MAP3K10: variants seen among roughly 807,000 people sequenced by gnomAD.
MAP3K10 encodes MKN28 derived nonreceptor_type serine/threonine kinase.
In MAP3K10, 22 loss-of-function variants were observed where a neutral mutation model predicts 75.0. That is an observed-to-expected ratio of 0.29 (90% CI 0.21 to 0.42). The LOEUF is 0.42. Among genes scored for constraint, MAP3K10 ranks in the 10% least tolerant of loss-of-function variants. MAP3K10 has a pLI of 1.00. For synonymous variants in MAP3K10, 599 were observed against 612.9 expected, an observed-to-expected ratio of 0.98 and a Z score of 0.34; for missense variants, 1,165 against 1,379.8, an observed-to-expected ratio of 0.84 and a Z score of 2.47.
intron 2 of MAP3K10, among the ~76,000 whole-genome samples, chr19:40,201,794 C>CTTTTTTTT (rs757199734): frequency 1.6e-5 from 2 of 123,410 alleles, no homozygotes; most frequent in African/African-American, 3.1e-5. Context: ...CACACGCCAG[C>CTTTTTTTT]TTTTTTTTTT....
intron 2 of MAP3K10, among the ~76,000 whole-genome samples, chr19:40,199,435 C>G (rs904295937): frequency 3.9e-5 from 6 of 152,278 alleles, no homozygotes; most frequent in Admixed American, 6.5e-5. Flanking sequence ...GAACGCTTCT[C>G]TGAGCAATCT....
chr19:40,205,219 G>C lies in MAP3K10; in HGVS notation c.1111G>C (p.Glu371Gln). The stretch of plus-strand genomic sequence containing the variant: ...GTCAGCCCTGTTCCAGATGCCACTG[G>C]AGTCCTTCCACTCGCTGCAGGAAGA... ...EQSALFQMPLESFHSLQEDWK... is the reference protein window; with the variant it reads ...EQSALFQMPLQSFHSLQEDWK... The change falls in exon 4 of 10, where the codon GAG becomes CAG. Residue 371 changes from glutamate to glutamine, a missense_variant. Transcript: ENST00000253055. The surrounding 1 kb of genome is among the most constrained non-coding windows in gnomAD (Gnocchi z 4.3). 6.2e-7 allele frequency: 1 copy of C among 1,614,140 alleles called. No individual in the cohort carries two copies. The highest frequency in any genetic ancestry group is 1.1e-5 in the South Asian group (1 of 91,078).
chr19:40,214,010 A>ACCCCCCCCCCCCCCCCCCC lies in MAP3K10; in HGVS notation c.2334_2335insCCCCCCCCCCCCCCCCCCC (p.Ser779ProfsTer79). The ACCCCCCCCCCCCCCCCCCC allele has an allele frequency of 1.1e-5, 8 of 726,364 alleles. No homozygotes were observed. The highest frequency in any genetic ancestry group is 5.4e-5 in the East Asian group (1 of 18,436). The allele number at this position is 726,364 out of a possible 1,614,324, so 45.0% of individuals were successfully genotyped here. ...CCGCACCGGCCGCGCCCTCCCCACC[A>ACCCCCCCCCCCCCCCCCCC]CCCTCCCCGCCCGCGCCCACACCCA... is the stretch of plus-strand genomic sequence containing the variant. On this transcript the variant is annotated frameshift_variant, in exon 9 of 10. Transcript: ENST00000253055. LOFTEE classifies it high-confidence loss of function.
In MAP3K10 at chr19:40,191,501, G is replaced by C. The variant is rs1385538719; in HGVS notation, c.-531G>C. On this transcript the variant is annotated 5_prime_UTR_variant, in exon 1 of 10. Transcript: ENST00000253055. The stretch of plus-strand genomic sequence containing the variant: ...GGGGCTGGGGCCGACCGGGAGGCCG[G>C]TGCCAAGGATGGGGGCCGCCCGGCT... Among the ~76,000 whole-genome samples, 1 of 150,674 alleles carries C rather than the reference G, an allele frequency of 6.6e-6. No homozygotes were observed. The highest frequency in any genetic ancestry group is 1.5e-5 in the Non-Finnish European group (1 of 67,536).
Position 40,213,998 on chromosome 19 carries a change from G to GCCCACCCCCCCCCCCCCCCCCCC in MAP3K10, c.2322_2323insACCCCCCCCCCCCCCCCCCCCCC (p.Ser775ThrfsTer55). 2 of 1,521,834 alleles carry GCCCACCCCCCCCCCCCCCCCCCC rather than the reference G, an allele frequency of 1.3e-6. No individual in the cohort carries two copies. The highest frequency in any genetic ancestry group is 1.4e-5 in the African/African-American group (1 of 71,078). 94.3% of individuals were successfully genotyped at this position (1,521,834 alleles called of 1,614,324 possible). A position where few individuals can be genotyped will look rare whatever the true frequency, so the allele number is the denominator to read the frequency against. On this transcript the variant is annotated frameshift_variant, in exon 9 of 10. Coordinates refer to ENST00000253055, the MANE Select transcript of MAP3K10 (RefSeq NM_002446.4). LOFTEE classifies it high-confidence loss of function. This position sits in a 1 kb window ranked among gnomAD's most constrained non-coding sequence, Gnocchi z 5.7. ...ACAGTGACGAGGCCGCACCGGCCGC[G>GCCCACCCCCCCCCCCCCCCCCCC]CCCTCCCCACCACCCTCCCCGCCCG...
intron 5 of MAP3K10, among the ~76,000 whole-genome samples, chr19:40,206,863 G>T (rs1277592693): frequency 6.6e-6 from 1 of 152,174 alleles, no homozygotes. Context: ...GGAGGCCAAA[G>T]TGCGTAGATC....
chr19:40,197,170 G>A (rs888715387), intron 1 of MAP3K10, among the ~76,000 whole-genome samples: 4 of 152,176 alleles, frequency 2.6e-5, no homozygotes, highest in Admixed American at 1.3e-4. Flanking sequence ...TGGACAAGCA[G>A]GCTAGCTGAG....
intron 5 of MAP3K10, among the ~76,000 whole-genome samples, chr19:40,208,352 T>C (rs1182868991): frequency 1.1e-5 from 1 of 95,072 alleles, no homozygotes; most frequent in African/African-American, 4.8e-5. Context: ...TTTCTTTTTT[T>C]TTTTTTTTTT....
chr19:40,208,358 TTTTTTTTTTTTG>T (rs1973167614), intron 5 of MAP3K10, among the ~76,000 whole-genome samples: 1 of 109,188 alleles, frequency 9.2e-6, no homozygotes, highest in Non-Finnish European at 1.8e-5. Context: ...TTTTTTTTTT[TTTTTTTTTTTTG>T]TATTTTTAGT....
Position 40,215,428 on chromosome 19 carries a change from G to A in MAP3K10, c.*136G>A, listed in dbSNP as rs1049347054. On this transcript the variant is annotated 3_prime_UTR_variant, in exon 10 of 10. Coordinates refer to ENST00000253055, the MANE Select transcript of MAP3K10 (RefSeq NM_002446.4). ...TTTATTGGGGAAGGAGGGAGGGGGG[G>A]GACACTTAACTTATTCCTTTGTACC... The A allele has an allele frequency of 1.2e-6, 1 of 825,090 alleles. No individual in the cohort carries two copies. The highest frequency in any genetic ancestry group is 1.9e-6 in the Non-Finnish European group (1 of 538,830). The allele number at this position is 825,090 out of a possible 1,614,324, so 51.1% of individuals were successfully genotyped here. A position where few individuals can be genotyped will look rare whatever the true frequency, so the allele number is the denominator to read the frequency against.
intron 1 of MAP3K10, among the ~76,000 whole-genome samples, chr19:40,194,574 T>C (rs1170917884): frequency 6.6e-6 from 1 of 152,204 alleles, no homozygotes; most frequent in African/African-American, 2.4e-5. Context: ...CAGTGCTATC[T>C]GGTCAAAGGG....
At position 40,191,776 on chromosome 19, in the gene MAP3K10, T is replaced by G; in HGVS notation, c.-256T>G. The G allele has an allele frequency of 2.7e-6, 1 of 366,914 alleles. No individual in the cohort carries two copies. The highest frequency in any genetic ancestry group is 4.9e-6 in the Non-Finnish European group (1 of 206,046). The allele number at this position is 366,914 out of a possible 1,614,324, so 22.7% of individuals were successfully genotyped here. On this transcript the variant is annotated 5_prime_UTR_variant, in exon 1 of 10. Coordinates refer to ENST00000253055, the MANE Select transcript of MAP3K10 (RefSeq NM_002446.4). ...CCAGGCCCTCTTAGCCCTCTGCCGT[T>G]TGGGGGGCACGGGTGAACCTGCCGC... is the stretch of plus-strand genomic sequence containing the variant.
At chr19:40,194,957 T>C (rs1472630259) in intron 1 of MAP3K10, among the ~76,000 whole-genome samples, 6 of 152,066 alleles carry the variant, frequency 3.9e-5, no homozygotes, top group Non-Finnish European at 5.9e-5. Flanking sequence ...TTTATTTAGA[T>C]CGGGTGGTCA....
chr19:40,208,238 C>A (rs1225399871), intron 5 of MAP3K10, among the ~76,000 whole-genome samples: 2 of 151,246 alleles, frequency 1.3e-5, no homozygotes, highest in Admixed American at 1.3e-4. Flanking sequence ...GTGGCATGAT[C>A]TCGGCTCACT....
chr19:40,207,375 G>A (rs375799240), intron 5 of MAP3K10, among the ~76,000 whole-genome samples: 122 of 152,200 alleles, frequency 8.0e-4, no homozygotes, highest in Non-Finnish European at 1.4e-3. Context: ...CAAGCCACGT[G>A]TATAATTTTA....
intron 1 of MAP3K10, among the ~76,000 whole-genome samples, chr19:40,197,866 CTA>C (rs1972939328): frequency 6.6e-6 from 1 of 151,912 alleles, no homozygotes; most frequent in South Asian, 2.1e-4. Flanking sequence ...AGGTCTCACT[CTA>C]TTGCCCAGGC....
intron 2 of MAP3K10, among the ~76,000 whole-genome samples, chr19:40,200,890 A>G (rs146372038): frequency 0.015 from 2,257 of 151,784 alleles, 57 homozygotes; most frequent in African/African-American, 0.051. Context: ...GATTACAGGC[A>G]TGAGTCACTG....
In MAP3K10 at chr19:40,192,299, C is replaced by T; in HGVS notation, c.268C>T (p.Pro90Ser). Residue 90 changes from proline to serine, a missense_variant, in exon 1 of 10, where the codon CCC becomes TCC. Pro to Ser is a moderately conservative substitution (Grantham distance 74, BLOSUM62 -1). This residue lies in a region of MAP3K10 where 575 missense variants were observed against 793.2 expected (regional missense o/e 0.72). Transcript: ENST00000253055. This position sits in a 1 kb window ranked among gnomAD's most constrained non-coding sequence, Gnocchi z 7.1. ...APAAPAGLQL[P>S]QEIPFHELQL... ...CGCTGCACCCGCGGGCCTCCAGCTG[C>T]CCCAGGAGATCCCCTTCCACGAGCT... 1 of 1,598,876 alleles carries T rather than the reference C, an allele frequency of 6.3e-7. No individual in the cohort carries two copies. The highest frequency in any genetic ancestry group is 8.5e-7 in the Non-Finnish European group (1 of 1,175,164).
chr19:40,215,066 C>T lies in MAP3K10; in HGVS notation c.2639C>T (p.Thr880Ile), dbSNP rs567645712. The change falls in exon 10 of 10, where the codon ACC becomes ATC. Residue 880 changes from threonine (T) to isoleucine (I), a missense_variant. Thr to Ile is a moderately conservative substitution (Grantham distance 89). Coordinates refer to ENST00000253055, the MANE Select transcript of MAP3K10 (RefSeq NM_002446.4). Reference sequence around the variant, plus strand: ...CCTGAGTTCCCAGGCCGCCCCACCACCCTGACCTTTGCCCCGAGACCTCGG... The same window carrying T: ...CCTGAGTTCCCAGGCCGCCCCACCATCCTGACCTTTGCCCCGAGACCTCGG... The part of the protein sequence containing the change: ...RPPEFPGRPT[T>I]LTFAPRPRPA... 6.8e-6 allele frequency: 11 copies of T among 1,609,384 alleles called. No homozygotes were observed. Among genetic ancestry groups the T allele is most frequent in the Admixed American group, 1.7e-5 (1 of 59,832 alleles).
Sources: gnomAD v4.1 joint callset for allele counts (sites outside exome capture counted in the v4.1 genomes callset) on GRCh38, gnomAD v4.1.1 for gene constraint, gnomAD v4.1.1 regional missense constraint, Gnocchi (gnomAD v3.1) non-coding constraint, MANE v1.5 for transcripts, NCBI Gene and HGNC (gene_info 2026-07-23, HGNC 2026-07-21) for gene names.